ZNF532: variants seen among roughly 807,000 people sequenced by gnomAD.
ZNF532 encodes the protein zinc finger protein 532.
Under a neutral mutation model 89.3 loss-of-function variants are expected in ZNF532, and 22 were observed. The ratio of observed to expected loss-of-function variants is 0.25; its 90% CI spans 0.18 to 0.35. ZNF532 has a LOEUF of 0.35. ZNF532 is among the 10% of genes least tolerant of loss of function. The pLI is 1.00. For synonymous variants in ZNF532, 606 were observed against 649.6 expected (o/e 0.93, Z 1.02); for missense variants, 1,132 against 1,643.4 (o/e 0.69, Z 5.38).
intron 3 of ZNF532, among the ~76,000 whole-genome samples, chr18:58,933,839 T>G (rs1160909580): frequency 6.6e-6 from 1 of 152,186 alleles, no homozygotes; most frequent in Non-Finnish European, 1.5e-5. Flanking sequence ...ATTTGTATAC[T>G]TGAACTTGAG....
chr18:58,868,770 A>C (rs1285127051), intron 2 of ZNF532, among the ~76,000 whole-genome samples: 1 of 152,238 alleles, frequency 6.6e-6, no homozygotes. Context: ...TTGTGTGAAC[A>C]TAAGTTTTTA....
intron 2 of ZNF532, among the ~76,000 whole-genome samples, chr18:58,885,846 CAA>C (rs79673674): frequency 0.098 from 13,276 of 135,152 alleles, 603 homozygotes; most frequent in Middle Eastern, 0.18. Flanking sequence ...GACAATGTCT[CAA>C]AAAAAAAAAA....
In ZNF532 at chr18:58,938,728, C is replaced by G. The variant is rs568747686; in HGVS notation, c.2529-717C>G. 2.0e-3 allele frequency among the ~76,000 whole-genome samples: 300 copies of G among 152,256 alleles called. 1 individual carries two copies. Among genetic ancestry groups the G allele is most frequent in the African/African-American group, 6.5e-3 (272 of 41,548 alleles). ...CTTTGTTCCTCTCTGCCCCTCTGTT[C>G]TTGGCATGCAGGTTTAGACACTGAA... is the stretch of plus-strand genomic sequence containing the variant. On this transcript the variant is annotated intron_variant, in intron 4 of 9. Coordinates refer to ENST00000591808, the MANE Select transcript of ZNF532 (RefSeq NM_001375912.1).
At chr18:58,911,557 A>C (rs2060285003) in intron 2 of ZNF532, among the ~76,000 whole-genome samples, 1 of 152,112 alleles carries the variant, frequency 6.6e-6, no homozygotes, top group Non-Finnish European at 1.5e-5. Flanking sequence ...CCCCATTTCT[A>C]CAGCAAATAA....
At chr18:58,923,904 T>C (rs11152107) in intron 3 of ZNF532, among the ~76,000 whole-genome samples, 73,542 of 151,816 alleles carry the variant, frequency 0.48, 19,008 homozygotes, top group African/African-American at 0.67. Flanking sequence ...TCGCCCAGGC[T>C]GGAGTGCAGT....
chr18:58,958,415 TTCTC>T (rs1292288932), intron 7 of ZNF532, among the ~76,000 whole-genome samples: 1 of 152,234 alleles, frequency 6.6e-6, no homozygotes, highest in Non-Finnish European at 1.5e-5. Context: ...ACTTACCAAT[TTCTC>T]TTTTTAAAGT....
At chr18:58,916,387 C>G (rs1181315941) in intron 2 of ZNF532, among the ~76,000 whole-genome samples, 2 of 152,190 alleles carry the variant, frequency 1.3e-5, no homozygotes, top group African/African-American at 2.4e-5. Flanking sequence ...TCTGACTTCT[C>G]ATAGATATTT....
At chr18:58,908,171 G>C (rs771147335) in intron 2 of ZNF532, among the ~76,000 whole-genome samples, 1 of 152,158 alleles carries the variant, frequency 6.6e-6, no homozygotes, top group Non-Finnish European at 1.5e-5. Flanking sequence ...AGTGTATGCT[G>C]TTATCCTCAT....
chr18:58,939,717 C>G, intron 5 of ZNF532, 96 bp downstream of exon 5: 1 of 1,248,612 alleles, frequency 8.0e-7, no homozygotes. Context: ...TTACCAAGAT[C>G]TGAAAAATTA....
intron 8 of ZNF532, chr18:58,980,131 T>TA (rs2067568697): frequency 2.6e-5 from 4 of 152,184 alleles, no homozygotes; most frequent in African/African-American, 9.7e-5. Context: ...TCAGGAGACT[T>TA]ATGAAGGTTG....
chr18:58,953,047 G>T (rs2147033726), intron 6 of ZNF532: 1 of 153,868 alleles, frequency 6.5e-6, no homozygotes, highest in South Asian at 2.0e-4. Flanking sequence ...AAGAGAAAAA[G>T]GCTTGCTATT....
intron 6 of ZNF532, among the ~76,000 whole-genome samples, chr18:58,949,274 T>C (rs533374970): frequency 6.6e-6 from 1 of 152,362 alleles, no homozygotes; most frequent in African/African-American, 2.4e-5. Flanking sequence ...CATTTTTTTT[T>C]CCTTGTGTGA....
At chr18:58,883,977 C>G (rs1003440836) in intron 2 of ZNF532, among the ~76,000 whole-genome samples, 2 of 152,232 alleles carry the variant, frequency 1.3e-5, no homozygotes, top group Admixed American at 1.3e-4. Flanking sequence ...GTGAAATCCC[C>G]AGAGAAGTAG....
intron 7 of ZNF532, among the ~76,000 whole-genome samples, chr18:58,978,530 G>C (rs2067317250): frequency 6.6e-6 from 1 of 152,094 alleles, no homozygotes; most frequent in South Asian, 2.1e-4. Flanking sequence ...CTGTGTTTTT[G>C]AGAGAGAATT....
At chr18:58,903,358 T>G (rs1484381185) in intron 2 of ZNF532, among the ~76,000 whole-genome samples, 1 of 152,182 alleles carries the variant, frequency 6.6e-6, no homozygotes. Flanking sequence ...ATTGGGAATT[T>G]GGTGTGAGGC....
At chr18:58,872,185 G>T (rs2057040303) in intron 2 of ZNF532, among the ~76,000 whole-genome samples, 1 of 152,034 alleles carries the variant, frequency 6.6e-6, no homozygotes, top group African/African-American at 2.4e-5. Flanking sequence ...GGTCTTCAGG[G>T]GCCCCAAATG....
intron 7 of ZNF532, among the ~76,000 whole-genome samples, chr18:58,978,667 A>G (rs2067337562): frequency 6.6e-6 from 1 of 152,192 alleles, no homozygotes. Flanking sequence ...GTATTCCTAA[A>G]TACAGGTTGA....
intron 2 of ZNF532, among the ~76,000 whole-genome samples, chr18:58,903,550 C>T (rs868438928): frequency 6.6e-6 from 1 of 150,916 alleles, no homozygotes; most frequent in African/African-American, 2.4e-5. Flanking sequence ...GGACCGACAG[C>T]GATTATAAAG....
At chr18:58,909,058 A>G (rs2060116545) in intron 2 of ZNF532, among the ~76,000 whole-genome samples, 1 of 152,056 alleles carries the variant, frequency 6.6e-6, no homozygotes, top group African/African-American at 2.4e-5. Flanking sequence ...GGTTCAAGCA[A>G]TTCTCCTGCA....
Sources: allele counts gnomAD v4.1 joint callset (sites outside exome capture counted in the v4.1 genomes callset), GRCh38; gene constraint gnomAD v4.1.1; transcripts MANE v1.5; gene names NCBI Gene and HGNC (gene_info 2026-07-23, HGNC 2026-07-21).